The following HECW2 variants were observed in gnomAD, a reference collection of about 807,000 sequenced individuals.
HECW2 encodes E3 ubiquitin-protein ligase HECW2.
HECW2 carries 61 observed loss-of-function variants against 175.2 expected under a neutral mutation model. The observed-to-expected ratio is 0.35, with a 90% CI of 0.28 to 0.43. HECW2 has a LOEUF of 0.43. Ranked by LOEUF, HECW2 falls within the 20% of genes least tolerant of loss-of-function variation. HECW2 has a pLI of 1.00. For missense variants in HECW2, 1,524 were observed against 2,000.5 expected (o/e 0.76, Z 4.54); for synonymous variants, 671 against 731.0 (o/e 0.92, Z 1.32).
At position 196,199,837 on chromosome 2, in the gene HECW2, C is replaced by T. The variant is rs1398532530; in HGVS notation, c.*1440G>A. On this transcript the variant is annotated 3_prime_UTR_variant, in exon 29 of 29. Transcript: ENST00000644978. ...TGATGTCATGCAGTTTTGGAGATGC[C>T]ATAGAAAAACTGTCTCTTAATATTA... 1 of 152,036 alleles carries T rather than the reference C, an allele frequency of 6.6e-6. No homozygotes were observed. Among genetic ancestry groups the T allele is most frequent in the African/African-American group, 2.4e-5 (1 of 41,402 alleles). 9.4% of individuals were successfully genotyped at this position (152,036 alleles called of 1,614,324 possible). A position where few individuals can be genotyped will look rare whatever the true frequency, so the allele number is the denominator to read the frequency against.
chr2:196,200,873 A>T lies in HECW2; in HGVS notation c.*404T>A, dbSNP rs1420064998. On this transcript the variant is annotated 3_prime_UTR_variant, in exon 29 of 29. Transcript: ENST00000644978. The stretch of plus-strand genomic sequence containing the variant: ...ATATTTACTTTTATTATATTATTTA[A>T]CTTGCTCTAATTTGGAGATTGGGCC... The T allele has an allele frequency of 6.3e-6, 1 of 159,498 alleles. No individual in the cohort carries two copies. Among genetic ancestry groups the T allele is most frequent in the Non-Finnish European group, 1.4e-5 (1 of 71,470 alleles). The allele number at this position is 159,498 out of a possible 1,614,324, so 9.9% of individuals were successfully genotyped here.
In HECW2 at chr2:196,318,666, TC is replaced by T. The variant is rs1303563458; in HGVS notation, c.2223del (p.Ser742AlafsTer88). The part of the protein sequence containing the change: ...EELGEVWQRR[G>X]SLEGAAAAAE... The stretch of plus-strand genomic sequence containing the variant: ...GCAGCAGCTGCAGCTCCCTCCAGGC[TC>T]CCCCTCCGCTGCCAGACCTCCCCCA... On this transcript the variant is annotated frameshift_variant, in exon 9 of 29. Transcript: ENST00000644978. LOFTEE classifies it high-confidence loss of function. 2 of 1,599,158 alleles carry T rather than the reference TC, an allele frequency of 1.3e-6. No individual in the cohort carries two copies. Among genetic ancestry groups the T allele is most frequent in the Non-Finnish European group, 8.5e-7 (1 of 1,172,414 alleles).
chr2:196,253,469 C>A lies in HECW2; in HGVS notation c.3529+451G>T, dbSNP rs191052404. Among the ~76,000 whole-genome samples, 1,094 of 152,318 alleles carry A rather than the reference C, an allele frequency of 7.2e-3. 12 individuals are homozygous for A. The highest frequency in any genetic ancestry group is 9.0e-3 in the Non-Finnish European group (614 of 68,032). On this transcript the variant is annotated intron_variant, in intron 19 of 28. Coordinates refer to ENST00000644978, the MANE Select transcript of HECW2 (RefSeq NM_001348768.2). The stretch of plus-strand genomic sequence containing the variant: ...GTTACCTATCAACATCTTCTATCTG[C>A]CAATCCATTTCTGTTCTATCTAATG...
chr2:196,555,824 C>A (rs558098528), intron 1 of HECW2, among the ~76,000 whole-genome samples: 1 of 152,204 alleles, frequency 6.6e-6, no homozygotes, highest in Non-Finnish European at 1.5e-5. Context: ...ACAAGACTTA[C>A]AAGTCCCCAC....
At chr2:196,423,983 C>A (rs1429133565) in intron 2 of HECW2, among the ~76,000 whole-genome samples, 1 of 151,566 alleles carries the variant, frequency 6.6e-6, no homozygotes, top group Non-Finnish European at 1.5e-5. Flanking sequence ...GTTTTTTTTA[C>A]AAATAGAAGG....
Position 196,234,849 on chromosome 2 carries a change from A to C in HECW2, c.3764+5600T>G, listed in dbSNP as rs962388546. 2.9e-4 allele frequency among the ~76,000 whole-genome samples: 44 copies of C among 152,102 alleles called. 1 individual carries two copies. The highest frequency in any genetic ancestry group is 1.1e-3 in the African/African-American group (44 of 41,498). On this transcript the variant is annotated intron_variant, in intron 21 of 28. Coordinates refer to ENST00000644978, the MANE Select transcript of HECW2 (RefSeq NM_001348768.2). ...AGTCAAGATGACTCAGTTTTCAGCC[A>C]CTCCACCACTGCCGATCTCCCTTCC...
rs942115444 is a variant in HECW2, at chr2:196,441,764, C to A, written c.-35-8306G>T. On this transcript the variant is annotated intron_variant, in intron 1 of 28. Transcript: ENST00000644978. Reference sequence around the variant, plus strand: ...GCTTAGCTTACTCAGCAAGAGTATGCTAATAAAATGATTAGGAAAACCAGA... The same window carrying A: ...GCTTAGCTTACTCAGCAAGAGTATGATAATAAAATGATTAGGAAAACCAGA... Among the ~76,000 whole-genome samples, 7 of 152,250 alleles carry A rather than the reference C, an allele frequency of 4.6e-5. No homozygotes were observed. The East Asian group carries it at 1.2e-3, about 25-fold the overall frequency.
intron 21 of HECW2, among the ~76,000 whole-genome samples, chr2:196,234,706 A>C (rs1324675662): frequency 1.3e-5 from 2 of 149,084 alleles, no homozygotes; most frequent in Admixed American, 1.3e-4. Context: ...AATACGTAGA[A>C]TAATTCACTG....
At chr2:196,484,690 AT>A (rs1303156692) in intron 1 of HECW2, among the ~76,000 whole-genome samples, 3 of 151,960 alleles carry the variant, frequency 2.0e-5, no homozygotes. Context: ...GGTACAACCT[AT>A]TTTGGTTCAT....
At chr2:196,254,149 C>T in intron 18 of HECW2, 120 bp from the exon 19 acceptor site, 1 of 1,406,398 alleles carries the variant, frequency 7.1e-7, no homozygotes. Context: ...AGAGCATCCG[C>T]CCCCTTTCTC....
chr2:196,273,803 A>G (rs190937003), intron 16 of HECW2, among the ~76,000 whole-genome samples: 27 of 152,360 alleles, frequency 1.8e-4, no homozygotes, highest in Admixed American at 5.2e-4. Context: ...GTAGGGTGGT[A>G]TTAAAAAACA....
chr2:196,292,807 G>C, intron 13 of HECW2, 57 bp from the exon 14 acceptor site: 1 of 1,340,884 alleles, frequency 7.5e-7, no homozygotes, highest in Non-Finnish European at 1.0e-6. Flanking sequence ...AGAAGCACCA[G>C]AAATACTACA....
chr2:196,505,455 G>A (rs1228884228), intron 1 of HECW2, among the ~76,000 whole-genome samples: 2 of 151,982 alleles, frequency 1.3e-5, no homozygotes, highest in African/African-American at 2.4e-5. Flanking sequence ...CAGGAGAATC[G>A]CTTGAACCCA....
At chr2:196,389,181 A>G (rs368624568) in intron 2 of HECW2, among the ~76,000 whole-genome samples, 1 of 152,326 alleles carries the variant, frequency 6.6e-6, no homozygotes, top group East Asian at 1.9e-4. Context: ...TTCTCTCTTT[A>G]TAAGTCACAG....
At chr2:196,521,282 CAAA>C (rs1158051512) in intron 1 of HECW2, among the ~76,000 whole-genome samples, 8 of 53,692 alleles carry the variant, frequency 1.5e-4, no homozygotes, top group African/African-American at 3.7e-4. Flanking sequence ...ACGTGAGTAA[CAAA>C]AAAAAAAAAA....
chr2:196,499,689 C>A (rs939689575), intron 1 of HECW2, among the ~76,000 whole-genome samples: 3 of 152,152 alleles, frequency 2.0e-5, no homozygotes, highest in African/African-American at 7.2e-5. Flanking sequence ...GGACTTAATT[C>A]TCGCTCTAAG....
chr2:196,556,302 C>T (rs532930852), intron 1 of HECW2, among the ~76,000 whole-genome samples: 7 of 152,150 alleles, frequency 4.6e-5, no homozygotes, highest in South Asian at 4.1e-4. Context: ...GATTTTGTGG[C>T]GAGAATATGT....
chr2:196,538,194 T>A (rs1411535799), intron 1 of HECW2, among the ~76,000 whole-genome samples: 7 of 152,208 alleles, frequency 4.6e-5, no homozygotes, highest in African/African-American at 1.7e-4. Flanking sequence ...CGATTTGACC[T>A]GAGGCATATC....
rs747788270 is a variant in HECW2 at position 196,228,293 on chromosome 2, T to A, written c.3765-39A>T. 1.9e-6 allele frequency: 3 copies of A among 1,567,092 alleles called. No individual in the cohort carries two copies. In the African/African-American group the frequency reaches 4.1e-5, roughly 22 times the overall value. ...CCACAAAAAGAATAATCTGTTACTT[T>A]TTTTCTAGATATTGGGCAGTTTTTC... On this transcript the variant is annotated intron_variant, in intron 21 of 28. Coordinates refer to ENST00000644978, the MANE Select transcript of HECW2 (RefSeq NM_001348768.2).
Sources: allele counts gnomAD v4.1 joint callset (sites outside exome capture counted in the v4.1 genomes callset), GRCh38; gene constraint gnomAD v4.1.1; transcripts MANE v1.5; gene names NCBI Gene and HGNC (gene_info 2026-07-23, HGNC 2026-07-21).